MORC1: variants seen among roughly 807,000 people sequenced by gnomAD.
The protein encoded by MORC1 is MORC family CW-type zinc finger 1.
In MORC1, 59 loss-of-function variants were observed where a neutral mutation model predicts 134.9. That is an observed-to-expected ratio of 0.44 (90% CI 0.35 to 0.54). MORC1 has a LOEUF of 0.54. Among genes scored for constraint, MORC1 ranks in the 20% least tolerant of loss-of-function variants. MORC1 has a pLI of 0.00. For missense variants in MORC1, 947 were observed against 1,134.5 expected, an observed-to-expected ratio of 0.83 and a Z score of 2.37; for synonymous variants, 395 against 391.7, an observed-to-expected ratio of 1.01 and a Z score of -0.10.
At chr3:108,969,531 T>A in intron 26 of MORC1, 138 bp downstream of exon 26, 1 of 775,840 alleles carries the variant, frequency 1.3e-6, no homozygotes, top group Non-Finnish European at 2.2e-6. Context: ...CCTGATAAGC[T>A]ATACATTAAT....
intron 17 of MORC1, among the ~76,000 whole-genome samples, chr3:109,018,436 C>G (rs984531528): frequency 3.9e-5 from 6 of 151,988 alleles, no homozygotes; most frequent in African/African-American, 1.5e-4. Context: ...AGAGACAAGA[C>G]CAGAATTGTA....
intron 14 of MORC1, among the ~76,000 whole-genome samples, chr3:109,046,813 A>G (rs2107649735): frequency 6.6e-6 from 1 of 152,322 alleles, no homozygotes; most frequent in South Asian, 2.1e-4. Flanking sequence ...TAATATATCC[A>G]TTTCACACAG....
chr3:108,981,795 G>A (rs1947731486), intron 23 of MORC1, among the ~76,000 whole-genome samples: 1 of 152,026 alleles, frequency 6.6e-6, no homozygotes. Context: ...CATTAAGATT[G>A]TTTTTCCCTA....
chr3:108,977,133 T>A (rs1300751867), intron 24 of MORC1, among the ~76,000 whole-genome samples: 1 of 152,150 alleles, frequency 6.6e-6, no homozygotes, highest in Non-Finnish European at 1.5e-5. Context: ...ATTAAGAGCA[T>A]GGGATTCCAA....
chr3:109,091,844 T>C (rs1260872635), intron 8 of MORC1, among the ~76,000 whole-genome samples: 1 of 152,230 alleles, frequency 6.6e-6, no homozygotes, highest in Non-Finnish European at 1.5e-5. Flanking sequence ...AAAGTGTACA[T>C]GTTTTAGGTC....
In MORC1 at chr3:109,100,180, T is replaced by C. The variant is rs538069147; in HGVS notation, c.314+237A>G. ...ATCACTTGAACCCAGGAGGCGGAGG[T>C]TGCAGTGAGCCAAGATCGCACCACT... is the stretch of plus-strand genomic sequence containing the variant. On this transcript the variant is annotated intron_variant, in intron 5 of 27. Coordinates refer to ENST00000232603, the MANE Select transcript of MORC1 (RefSeq NM_014429.4). Among the ~76,000 whole-genome samples, 10 of 151,766 alleles carry C rather than the reference T, an allele frequency of 6.6e-5. No homozygotes were observed. The South Asian group carries it at 8.4e-4, about 13-fold the overall frequency.
intron 14 of MORC1, among the ~76,000 whole-genome samples, chr3:109,040,401 AGAGAAGGAAGGAAGGAAGGAAGGAAG>A (rs1368524913): frequency 1.7e-3 from 131 of 75,126 alleles, no homozygotes; most frequent in Non-Finnish European, 2.3e-3. Flanking sequence ...AAAGAAAGAA[AGAGAAGGAAGGAAGGAAGGAAGGAAG>A]GAAAGAAAGA....
intron 6 of MORC1, among the ~76,000 whole-genome samples, chr3:109,097,212 T>C (rs1327626337): frequency 6.6e-6 from 1 of 152,032 alleles, no homozygotes. Context: ...AACGAATGGG[T>C]CACATATAAG....
At chr3:109,088,560 T>C (rs1950658404) in intron 8 of MORC1, among the ~76,000 whole-genome samples, 1 of 152,014 alleles carries the variant, frequency 6.6e-6, no homozygotes, top group Non-Finnish European at 1.5e-5. Context: ...TGTTGAAAAA[T>C]TACAAATGTT....
chr3:109,053,556 TA>T (rs1289792549), intron 14 of MORC1, among the ~76,000 whole-genome samples: 1 of 151,534 alleles, frequency 6.6e-6, no homozygotes, highest in Non-Finnish European at 1.5e-5. Context: ...TTCTCACTTA[TA>T]AGTGGGAGCT....
intron 14 of MORC1, among the ~76,000 whole-genome samples, chr3:109,050,204 T>C (rs1949788811): frequency 6.6e-6 from 1 of 152,232 alleles, no homozygotes; most frequent in Non-Finnish European, 1.5e-5. Context: ...TGTTGGGCAC[T>C]AATCCTATTT....
At chr3:109,060,872 G>A (rs144197588) in intron 11 of MORC1, among the ~76,000 whole-genome samples, 1 of 151,544 alleles carries the variant, frequency 6.6e-6, no homozygotes, top group Non-Finnish European at 1.5e-5. Flanking sequence ...GTCTTTTTCT[G>A]GACTCTCAAA....
intron 12 of MORC1, among the ~76,000 whole-genome samples, chr3:109,058,591 A>T (rs898142519): frequency 2.0e-5 from 3 of 152,110 alleles, no homozygotes; most frequent in Admixed American, 6.5e-5. Flanking sequence ...GATATGATAT[A>T]TATATATAGA....
chr3:109,022,778 CTTCA>C (rs1158189210), intron 17 of MORC1, among the ~76,000 whole-genome samples: 1 of 152,208 alleles, frequency 6.6e-6, no homozygotes, highest in African/African-American at 2.4e-5. Context: ...TCTTTCCATC[CTTCA>C]TTGTTTGCTA....
At chr3:109,000,413 T>G (rs1413473975) in intron 21 of MORC1, 144 bp downstream of exon 21, 1 of 598,402 alleles carries the variant, frequency 1.7e-6, no homozygotes, top group Admixed American at 3.6e-5. Context: ...GCAAGTAACT[T>G]AAACTTTTCT....
intron 25 of MORC1, among the ~76,000 whole-genome samples, chr3:108,970,466 G>C (rs73200669): frequency 0.017 from 2,570 of 152,124 alleles, 26 homozygotes; most frequent in Non-Finnish European, 0.027. Context: ...GTTCAGCTGT[G>C]GAATCAGAAG....
chr3:109,017,621 T>G (rs187116883), intron 17 of MORC1, among the ~76,000 whole-genome samples: 1 of 152,228 alleles, frequency 6.6e-6, no homozygotes, highest in Admixed American at 6.5e-5. Context: ...AAATCACATA[T>G]GTACTTTTTT....
intron 8 of MORC1, among the ~76,000 whole-genome samples, chr3:109,079,227 A>C (rs1950481159): frequency 6.6e-6 from 1 of 152,066 alleles, no homozygotes; most frequent in Non-Finnish European, 1.5e-5. Flanking sequence ...AATTTAAAGG[A>C]TCAACAAAAT....
chr3:109,092,585 TATC>T (rs1271101664), intron 8 of MORC1, among the ~76,000 whole-genome samples: 2 of 152,172 alleles, frequency 1.3e-5, no homozygotes, highest in African/African-American at 4.8e-5. Context: ...AAATACAAAA[TATC>T]ATCAATATTT....
Sources: gnomAD v4.1 joint callset for allele counts (sites outside exome capture counted in the v4.1 genomes callset) on GRCh38, gnomAD v4.1.1 for gene constraint, MANE v1.5 for transcripts, NCBI Gene and HGNC (gene_info 2026-07-23, HGNC 2026-07-21) for gene names.